ASCC3: variants seen among roughly 807,000 people sequenced by gnomAD.
The protein encoded by ASCC3 is activating signal cointegrator 1 complex subunit 3, also known as ASC-1 complex subunit P200.
A neutral mutation model predicts 256.3 loss-of-function variants in ASCC3; 158 were observed. That is an observed-to-expected ratio of 0.62 (90% CI 0.54 to 0.70). The LOEUF is 0.70. Ranked by LOEUF, ASCC3 falls within the 30% of genes least tolerant of loss-of-function variation. The pLI is 0.00. For synonymous variants in ASCC3, 948 were observed against 883.4 expected (o/e 1.07, Z -1.30); for missense variants, 2,259 against 2,626.0 (o/e 0.86, Z 3.05).
chr6:100,588,145 A>C (rs1259397479), intron 36 of ASCC3, among the ~76,000 whole-genome samples: 5 of 152,150 alleles, frequency 3.3e-5, no homozygotes, highest in African/African-American at 1.2e-4. Context: ...TAATCTTTAA[A>C]ATGGGAATAA....
At chr6:100,580,255 T>C (rs1037758388) in intron 36 of ASCC3, among the ~76,000 whole-genome samples, 1 of 152,026 alleles carries the variant, frequency 6.6e-6, no homozygotes, top group Non-Finnish European at 1.5e-5. Context: ...GTAAGAATTC[T>C]AACTCATTTT....
intron 1 of ASCC3, among the ~76,000 whole-genome samples, chr6:100,875,234 A>G (rs1773941425): frequency 6.6e-6 from 1 of 152,224 alleles, no homozygotes. Context: ...GACAGAATCA[A>G]TGTGGAATAG....
chr6:100,558,616 C>T (rs1769754164), intron 36 of ASCC3, among the ~76,000 whole-genome samples: 1 of 152,030 alleles, frequency 6.6e-6, no homozygotes, highest in African/African-American at 2.4e-5. Flanking sequence ...AGGCTAGGTA[C>T]AGCATTTGAA....
chr6:100,777,497 C>A lies in ASCC3; in HGVS notation c.1396-10152G>T, dbSNP rs999869482. On this transcript the variant is annotated intron_variant, in intron 8 of 41. Transcript: ENST00000369162. ...AGACAAAAAAAAATCAACATGTTTA[C>A]TAATTTAAAAATTGTTTCAAATGCT... 2.6e-5 allele frequency among the ~76,000 whole-genome samples: 4 copies of A among 152,126 alleles called. No homozygotes were observed. The East Asian group carries it at 7.7e-4, about 29-fold the overall frequency.
chr6:100,737,976 G>A (rs1780261241), intron 10 of ASCC3, among the ~76,000 whole-genome samples: 1 of 152,192 alleles, frequency 6.6e-6, no homozygotes, highest in Non-Finnish European at 1.5e-5. Flanking sequence ...CTAATGATCA[G>A]TGATGTTGAG....
At chr6:100,566,394 C>G (rs976110389) in intron 36 of ASCC3, among the ~76,000 whole-genome samples, 1 of 152,138 alleles carries the variant, frequency 6.6e-6, no homozygotes, top group Non-Finnish European at 1.5e-5. Flanking sequence ...TGCAAATACC[C>G]TTAATAAGTC....
rs10696130 is a variant in ASCC3 at position 100,681,725 on chromosome 6, C to CAA, written c.2152-1975_2152-1974dup. Among the ~76,000 whole-genome samples the CAA allele has an allele frequency of 1.3e-3, 78 of 58,414 alleles. 2 individuals carry two copies. The highest frequency in any genetic ancestry group is 1.5e-3 in the Non-Finnish European group (50 of 34,284). 38.3% of individuals were successfully genotyped at this position (58,414 alleles called of 152,430 possible). A position where few individuals can be genotyped will look rare whatever the true frequency, so the allele number is the denominator to read the frequency against. ...CTGGCAACAGAGCGAGACTCCGTCT[C>CAA]AAAAAAAAAAAAAAAAAAAAAAGAA... is the stretch of plus-strand genomic sequence containing the variant. On this transcript the variant is annotated intron_variant, in intron 13 of 41. Coordinates refer to ENST00000369162, the MANE Select transcript of ASCC3 (RefSeq NM_006828.4).
chr6:100,696,437 T>A (rs1331324524), intron 13 of ASCC3, among the ~76,000 whole-genome samples: 1 of 152,236 alleles, frequency 6.6e-6, no homozygotes, highest in East Asian at 1.9e-4. Context: ...TTTTATCAAA[T>A]GATTTCTCTA....
chr6:100,742,805 G>A (rs1046946151), intron 10 of ASCC3, among the ~76,000 whole-genome samples: 1 of 152,196 alleles, frequency 6.6e-6, no homozygotes, highest in East Asian at 1.9e-4. Context: ...CCTGTTTCAG[G>A]TAGACTCAAC....
At chr6:100,850,327 T>C (rs1392184565) in intron 3 of ASCC3, among the ~76,000 whole-genome samples, 1 of 152,320 alleles carries the variant, frequency 6.6e-6, no homozygotes, top group East Asian at 1.9e-4. Context: ...TATATCATAC[T>C]GATTCTTCTT....
At position 100,853,748 on chromosome 6, in the gene ASCC3, C is replaced by T. The variant is rs142696007; in HGVS notation, c.242-5041G>A. Among the ~76,000 whole-genome samples the T allele has an allele frequency of 3.0e-3, 454 of 152,262 alleles. 2 individuals carry two copies. The highest frequency in any genetic ancestry group is 0.01 in the African/African-American group (431 of 41,538). On this transcript the variant is annotated intron_variant, in intron 3 of 41. Coordinates refer to ENST00000369162, the MANE Select transcript of ASCC3 (RefSeq NM_006828.4). The stretch of plus-strand genomic sequence containing the variant: ...AAAGGGCTGGGATTACAGGCGTGAG[C>T]CACTGTACCCAGCCAATAAGTATTC...
In ASCC3 at chr6:100,605,637, A is replaced by G; in HGVS notation, c.5108T>C (p.Ile1703Thr). ...GTCTTTCTTTATGTCATGAACTAGAATTACAGCTTTGCCTTGGTCATCGAA... is the reference window on the plus strand; with the variant it reads ...GTCTTTCTTTATGTCATGAACTAGAGTTACAGCTTTGCCTTGGTCATCGAA... ...PQFDDQGKAV[I>T]LVHDIKKDFY... The change falls in exon 33 of 42, where the codon ATT becomes ACT. Residue 1703 changes from isoleucine to threonine, a missense_variant. Transcript: ENST00000369162. 1 of 1,607,526 alleles carries G rather than the reference A, an allele frequency of 6.2e-7. No homozygotes were observed. Among genetic ancestry groups the G allele is most frequent in the Non-Finnish European group, 8.5e-7 (1 of 1,174,164 alleles).
chr6:100,617,926 T>C (rs898272758), intron 30 of ASCC3, among the ~76,000 whole-genome samples: 1 of 152,244 alleles, frequency 6.6e-6, no homozygotes, highest in African/African-American at 2.4e-5. Context: ...GCCATGCTGA[T>C]GCATCCATGT....
chr6:100,808,859 C>T (rs1375093701), intron 4 of ASCC3, among the ~76,000 whole-genome samples: 1 of 151,892 alleles, frequency 6.6e-6, no homozygotes, highest in Non-Finnish European at 1.5e-5. Flanking sequence ...GCCTATTTAT[C>T]TTAGGCTACC....
At chr6:100,587,475 C>G (rs1029479526) in intron 36 of ASCC3, among the ~76,000 whole-genome samples, 1 of 152,114 alleles carries the variant, frequency 6.6e-6, no homozygotes, top group African/African-American at 2.4e-5. Flanking sequence ...CAGTGTGATA[C>G]CTACGTATCT....
At position 100,661,672 on chromosome 6, in the gene ASCC3, T is replaced by C. The variant is rs142709880; in HGVS notation, c.2703+134A>G. 273 of 848,910 alleles carry C rather than the reference T, an allele frequency of 3.2e-4. 1 individual carries two copies. The African/African-American group carries it at 3.5e-3, about 11-fold the overall frequency. 52.6% of individuals were successfully genotyped at this position (848,910 alleles called of 1,614,324 possible). On this transcript the variant is annotated intron_variant, in intron 16 of 41. Transcript: ENST00000369162. ...ATCAACAATAATGCCATTCACCCTG[T>C]TTTGTCTTATAACTTATATGGCATA...
intron 3 of ASCC3, among the ~76,000 whole-genome samples, chr6:100,849,244 T>G (rs1383048829): frequency 6.6e-6 from 1 of 152,232 alleles, no homozygotes; most frequent in Non-Finnish European, 1.5e-5. Flanking sequence ...TGTATCTAAG[T>G]GCAGAAACTA....
intron 13 of ASCC3, among the ~76,000 whole-genome samples, chr6:100,684,595 C>G (rs751705689): frequency 3.9e-4 from 59 of 151,748 alleles, no homozygotes; most frequent in Admixed American, 2.4e-3. Flanking sequence ...ATTAAACAGA[C>G]CAGTATACCA....
intron 39 of ASCC3, among the ~76,000 whole-genome samples, chr6:100,515,416 T>C (rs1341617441): frequency 6.6e-6 from 1 of 152,218 alleles, no homozygotes; most frequent in African/African-American, 2.4e-5. Context: ...TTTAGAAGTT[T>C]CTTAATACCT....
Sources: allele counts gnomAD v4.1 joint callset (sites outside exome capture counted in the v4.1 genomes callset), GRCh38; gene constraint gnomAD v4.1.1; transcripts MANE v1.5; gene names NCBI Gene and HGNC (gene_info 2026-07-23, HGNC 2026-07-21).